The following EPM2A variants were observed in gnomAD, a reference collection of about 807,000 sequenced individuals.
EPM2A encodes the protein laforin.
Under a neutral mutation model 26.5 loss-of-function variants are expected in EPM2A, and 21 were observed. That is an observed-to-expected ratio of 0.79 (90% CI 0.56 to 1.14). The LOEUF is 1.14. Among genes scored for constraint, EPM2A ranks in the 50% most tolerant of loss-of-function variants. The pLI is 0.00. For missense variants in EPM2A, 458 were observed against 440.8 expected (o/e 1.04, Z -0.35); for synonymous variants, 217 against 177.6 (o/e 1.22, Z -1.76).
chr6:145,447,867 C>T (rs1019891163), intron 4 of EPM2A, among the ~76,000 whole-genome samples: 5 of 152,008 alleles, frequency 3.3e-5, no homozygotes, highest in Non-Finnish European at 5.9e-5. Flanking sequence ...GGGATATAAA[C>T]ATAACAAATA....
At chr6:145,473,855 A>C (rs1010786912) in intron 4 of EPM2A, among the ~76,000 whole-genome samples, 7 of 150,388 alleles carry the variant, frequency 4.7e-5, no homozygotes, top group African/African-American at 1.8e-4. Context: ...AGACTTTCCC[A>C]GACAAACAAA....
chr6:145,559,802 C>G (rs2114813062), intron 2 of EPM2A, among the ~76,000 whole-genome samples: 1 of 151,582 alleles, frequency 6.6e-6, no homozygotes, highest in East Asian at 2.0e-4. Flanking sequence ...TTATCTAAGA[C>G]TGATTTCCCC....
chr6:145,714,719 G>A (rs748871966), intron 1 of EPM2A, among the ~76,000 whole-genome samples: 2 of 152,148 alleles, frequency 1.3e-5, no homozygotes, highest in South Asian at 2.1e-4. Flanking sequence ...ATGACAGCAG[G>A]CAAAGAGAGA....
At chr6:145,535,458 T>A (rs1008173318) in intron 2 of EPM2A, among the ~76,000 whole-genome samples, 3 of 152,140 alleles carry the variant, frequency 2.0e-5, no homozygotes, top group Non-Finnish European at 2.9e-5. Flanking sequence ...ATTGTAGGTA[T>A]TTTTTTAAAG....
chr6:145,431,393 C>T (rs1445010407), intron 4 of EPM2A, among the ~76,000 whole-genome samples: 3 of 152,120 alleles, frequency 2.0e-5, no homozygotes, highest in Non-Finnish European at 4.4e-5. Context: ...GCAGCTTACA[C>T]AGTAAAAGAA....
Position 145,730,126 on chromosome 6 carries a change from T to C in EPM2A, c.301+5072A>G, listed in dbSNP as rs1016847332. Among the ~76,000 whole-genome samples the C allele has an allele frequency of 4.6e-5, 7 of 152,294 alleles. No homozygotes were observed. In the East Asian group the frequency reaches 1.3e-3, roughly 29 times the overall value. The stretch of plus-strand genomic sequence containing the variant: ...GAGGTCTCCCCAGCCATGTTTCCTG[T>C]ACAGCTTGTGAAACCATGAGCCAAT... On this transcript the variant is annotated intron_variant, in intron 1 of 3. Coordinates refer to ENST00000367519, the MANE Select transcript of EPM2A (RefSeq NM_005670.4).
chr6:145,556,692 T>G (rs1470982358), intron 2 of EPM2A, among the ~76,000 whole-genome samples: 1 of 152,130 alleles, frequency 6.6e-6, no homozygotes, highest in Non-Finnish European at 1.5e-5. Context: ...GCTCATCTTT[T>G]TCTATTCCCA....
At chr6:145,640,698 G>C (rs750107331) in intron 2 of EPM2A, 22 of 152,126 alleles carry the variant, frequency 1.4e-4, no homozygotes, top group African/African-American at 1.9e-4. Context: ...TGAGTAAAGG[G>C]AAAAAAAGTC....
At chr6:145,625,273 T>C (rs1562407850), downstream of EPM2A, 1 of 158,352 alleles carries the variant, frequency 6.3e-6, no homozygotes, top group Admixed American at 6.2e-5. Flanking sequence ...CAGACTAAGC[T>C]GATAACATTT....
chr6:145,489,704 T>C, intron 4 of EPM2A: 2 of 1,421,530 alleles, frequency 1.4e-6, no homozygotes, highest in Non-Finnish European at 9.9e-7. Flanking sequence ...GTTGGCTTGC[T>C]CTCTAATCCT....
At chr6:145,509,407 A>C (rs867572403) in intron 2 of EPM2A, among the ~76,000 whole-genome samples, 7 of 152,204 alleles carry the variant, frequency 4.6e-5, no homozygotes, top group Admixed American at 3.3e-4. Context: ...GAAATCTTAC[A>C]AGCCAGAAAA....
intron 2 of EPM2A, among the ~76,000 whole-genome samples, chr6:145,574,079 C>T (rs1030872246): frequency 5.3e-5 from 8 of 152,110 alleles, no homozygotes; most frequent in Non-Finnish European, 1.0e-4. Context: ...GTAGTGGGAT[C>T]CTTCCTCAAG....
chr6:145,601,544 T>C (rs909580706), intron 2 of EPM2A, among the ~76,000 whole-genome samples: 1 of 152,208 alleles, frequency 6.6e-6, no homozygotes, highest in African/African-American at 2.4e-5. Flanking sequence ...CATTCCTTTG[T>C]TCTGTGTGTG....
intron 4 of EPM2A, among the ~76,000 whole-genome samples, chr6:145,447,000 C>T (rs911867410): frequency 4.6e-5 from 7 of 151,980 alleles, no homozygotes; most frequent in Admixed American, 2.0e-4. Context: ...TCATATTTTA[C>T]ATTATGCTGC....
chr6:145,542,202 C>G (rs989695051), intron 2 of EPM2A, among the ~76,000 whole-genome samples: 1 of 152,222 alleles, frequency 6.6e-6, no homozygotes, highest in African/African-American at 2.4e-5. Flanking sequence ...AGAAGGCCAT[C>G]TTTTTTCTCT....
chr6:145,645,510 G>T (rs529493200), intron 2 of EPM2A, among the ~76,000 whole-genome samples: 2 of 152,146 alleles, frequency 1.3e-5, no homozygotes, highest in African/African-American at 4.8e-5. Context: ...TTGCTACGCT[G>T]CCCATGCTAA....
chr6:145,659,259 G>A (rs1305072078), intron 2 of EPM2A, among the ~76,000 whole-genome samples: 1 of 152,054 alleles, frequency 6.6e-6, no homozygotes, highest in Non-Finnish European at 1.5e-5. Flanking sequence ...ACTACTGCAT[G>A]AATCATACAC....
At chr6:145,517,278 G>C (rs1780141264) in intron 2 of EPM2A, among the ~76,000 whole-genome samples, 1 of 152,148 alleles carries the variant, frequency 6.6e-6, no homozygotes, top group Non-Finnish European at 1.5e-5. Context: ...ATACAACATT[G>C]TGCTTATAAT....
At chr6:145,410,486 T>G (rs1778629616) in intron 4 of EPM2A, among the ~76,000 whole-genome samples, 1 of 152,208 alleles carries the variant, frequency 6.6e-6, no homozygotes, top group Admixed American at 6.6e-5. Flanking sequence ...ACAATTAAAA[T>G]AAGGACATCT....
Sources: allele counts gnomAD v4.1 joint callset (sites outside exome capture counted in the v4.1 genomes callset), GRCh38; gene constraint gnomAD v4.1.1; transcripts MANE v1.5; gene names NCBI Gene and HGNC (gene_info 2026-07-23, HGNC 2026-07-21).